CACNG8: variants seen among roughly 807,000 people sequenced by gnomAD.
The protein encoded by CACNG8 is voltage-dependent calcium channel gamma-8 subunit.
A neutral mutation model predicts 26.9 loss-of-function variants in CACNG8; 5 were observed. The ratio of observed to expected loss-of-function variants is 0.19; its 90% CI spans 0.10 to 0.39. The LOEUF is 0.39. Among genes scored for constraint, CACNG8 ranks in the 10% least tolerant of loss-of-function variants. CACNG8 has a pLI of 1.00. For missense variants in CACNG8, 473 were observed against 609.4 expected (o/e 0.78, Z 2.36); for synonymous variants, 321 against 296.7 (o/e 1.08, Z -0.84).
At chr19:53,981,335 G>A (rs1169684772) in intron 3 of CACNG8, among the ~76,000 whole-genome samples, 1 of 151,874 alleles carries the variant, frequency 6.6e-6, no homozygotes, top group African/African-American at 2.4e-5. Flanking sequence ...GTGGGTTTTA[G>A]ACCAGTCAGG....
intron 2 of CACNG8, 144 bp downstream of exon 2, chr19:53,978,373 A>G: frequency 1.6e-6 from 1 of 631,064 alleles, no homozygotes; most frequent in South Asian, 1.9e-5. Flanking sequence ...ATCCGAGTCC[A>G]GATAGTGAGA....
intron 1 of CACNG8, among the ~76,000 whole-genome samples, chr19:53,977,093 CGAA>C (rs1300989962): frequency 2.0e-5 from 3 of 152,186 alleles, no homozygotes; most frequent in Non-Finnish European, 4.4e-5. Context: ...TTACCGAGGA[CGAA>C]GAAGATCATC....
rs761421289 is a variant in CACNG8 at position 53,982,892 on chromosome 19, G to A, written c.*43G>A. On this transcript the variant is annotated 3_prime_UTR_variant, in exon 4 of 4. Transcript: ENST00000270458. This position sits in a 1 kb window ranked among gnomAD's most constrained non-coding sequence, Gnocchi z 8.4. ...CGAGGGGCGTGTCCGGGGCGCGTGC[G>A]CGGGCGCGCGTGCATCGAGGCTGCC... The A allele has an allele frequency of 5.6e-5, 68 of 1,206,518 alleles. 1 individual carries two copies. The South Asian group carries it at 6.2e-4, about 11-fold the overall frequency. 74.7% of individuals were successfully genotyped at this position (1,206,518 alleles called of 1,614,324 possible).
At chr19:53,965,005 G>A (rs2069264507) in intron 1 of CACNG8, among the ~76,000 whole-genome samples, 1 of 152,154 alleles carries the variant, frequency 6.6e-6, no homozygotes, top group Non-Finnish European at 1.5e-5. Flanking sequence ...GACAAGCCGG[G>A]AACGTTATCT....
Position 53,984,000 on chromosome 19 carries a change from AG to A in CACNG8, c.*1153del, listed in dbSNP as rs1340864274. 6.6e-6 allele frequency: 1 copy of A among 152,384 alleles called. No homozygotes were observed. The highest frequency in any genetic ancestry group is 1.9e-4 in the East Asian group (1 of 5,190). The allele number at this position is 152,384 out of a possible 1,614,324, so 9.4% of individuals were successfully genotyped here. On this transcript the variant is annotated 3_prime_UTR_variant, in exon 4 of 4. Coordinates refer to ENST00000270458, the MANE Select transcript of CACNG8 (RefSeq NM_031895.6). Reference sequence around the variant, plus strand: ...CGTGAATGGTGTACAAAGGGAAGACAGGAACTCGGAGGCAAGAGTAGGAGGC... The same window carrying A: ...CGTGAATGGTGTACAAAGGGAAGACAGAACTCGGAGGCAAGAGTAGGAGGC...
chr19:53,964,700 G>A (rs2069262603), intron 1 of CACNG8, among the ~76,000 whole-genome samples: 1 of 152,014 alleles, frequency 6.6e-6, no homozygotes, highest in African/African-American at 2.4e-5. Flanking sequence ...CCTCTGCTGT[G>A]CCAACCCCTT....
In CACNG8 at chr19:53,963,390, C is replaced by T. The variant is rs1329657506; in HGVS notation, c.248C>T (p.Thr83Met). The change falls in exon 1 of 4, where the codon ACG (threonine) becomes ATG (methionine). Residue 83 changes from threonine (T) to methionine (M), a missense_variant. Transcript: ENST00000270458. ...GAGAAGAAGGACCCCGGCGGCCTCA[C>T]GCACTCGGGCCTCTGGAGGATCTGC... 19 of 1,575,348 alleles carry T rather than the reference C, an allele frequency of 1.2e-5. No individual in the cohort carries two copies. The highest frequency in any genetic ancestry group is 1.6e-5 in the Non-Finnish European group (19 of 1,169,208).
rs1418222215 is a variant in CACNG8 at position 53,982,667 on chromosome 19, C to G, written c.1096C>G (p.Leu366Val). The G allele has an allele frequency of 2.7e-6, 3 of 1,093,202 alleles. No homozygotes were observed. The highest frequency in any genetic ancestry group is 1.7e-5 in the African/African-American group (1 of 59,374). 67.7% of individuals were successfully genotyped at this position (1,093,202 alleles called of 1,614,324 possible). Residue 366 changes from leucine to valine, a missense_variant, in exon 4 of 4, where the codon CTC (leucine) becomes GTC (valine). Leu to Val is a conservative substitution (Grantham distance 32). Transcript: ENST00000270458. The surrounding 1 kb of genome is among the most constrained non-coding windows in gnomAD (Gnocchi z 8.4). ...GGACCGCGGGGGGGCGTCCGGCTTCCTCACGCTGCACAACGCCTTCCCCAA... is the reference window on the plus strand; with the variant it reads ...GGACCGCGGGGGGGCGTCCGGCTTCGTCACGCTGCACAACGCCTTCCCCAA...
At chr19:53,981,309 A>G (rs941701042) in intron 3 of CACNG8, among the ~76,000 whole-genome samples, 2 of 151,110 alleles carry the variant, frequency 1.3e-5, no homozygotes, top group Non-Finnish European at 3.0e-5. Flanking sequence ...GGGCCTGGAA[A>G]CTCATCTCAT....
rs1414684834 is a variant in CACNG8, at chr19:53,982,999, CT to C, written c.*151del. The C allele has an allele frequency of 5.1e-6, 2 of 389,814 alleles. No homozygotes were observed. Among genetic ancestry groups the C allele is most frequent in the East Asian group, 5.3e-5 (1 of 18,848 alleles). 24.1% of individuals were successfully genotyped at this position (389,814 alleles called of 1,614,324 possible). On this transcript the variant is annotated 3_prime_UTR_variant, in exon 4 of 4. Transcript: ENST00000270458. This position sits in a 1 kb window ranked among gnomAD's most constrained non-coding sequence, Gnocchi z 8.4. ...CCCCACGCCCACCCTCCCCGCCCCC[CT>C]CCCCCTCCGAAGCAGGGACCCCGAG...
In CACNG8 at chr19:53,987,276, G is replaced by C. The variant is rs568667427; in HGVS notation, c.*4427G>C. The C allele has an allele frequency of 2.6e-5, 4 of 152,118 alleles. No individual in the cohort carries two copies. The highest frequency in any genetic ancestry group is 9.7e-5 in the African/African-American group (4 of 41,410). 9.4% of individuals were successfully genotyped at this position (152,118 alleles called of 1,614,324 possible). ...GTAAAGACGGGATTTCACCGTGTTGGCCAGGCCAATCTGAAATTCCTGGCT... is the reference window on the plus strand; with the variant it reads ...GTAAAGACGGGATTTCACCGTGTTGCCCAGGCCAATCTGAAATTCCTGGCT... On this transcript the variant is annotated 3_prime_UTR_variant, in exon 4 of 4. Coordinates refer to ENST00000270458, the MANE Select transcript of CACNG8 (RefSeq NM_031895.6).
intron 3 of CACNG8, among the ~76,000 whole-genome samples, chr19:53,981,538 A>C (rs4806677): frequency 0.73 from 111,290 of 151,706 alleles, 41,032 homozygotes; most frequent in East Asian, 0.88. Flanking sequence ...CACCTGGGGC[A>C]GAGTTTAGAC....
chr19:53,971,006 T>A (rs990286472), intron 1 of CACNG8, among the ~76,000 whole-genome samples: 3 of 149,478 alleles, frequency 2.0e-5, no homozygotes, highest in Non-Finnish European at 3.0e-5. Context: ...AGTTAAAATT[T>A]TTAGGCTGGG....
At chr19:53,974,510 G>T (rs965750950) in intron 1 of CACNG8, among the ~76,000 whole-genome samples, 1 of 152,118 alleles carries the variant, frequency 6.6e-6, no homozygotes, top group Non-Finnish European at 1.5e-5. Flanking sequence ...GATTCTATTT[G>T]TAGTTTTTGA....
chr19:53,981,990 C>A, intron 3 of CACNG8, 90 bp from the exon 4 acceptor site: 3 of 1,368,910 alleles, frequency 2.2e-6, no homozygotes, highest in Non-Finnish European at 1.9e-6. Context: ...GCGCCTGGGC[C>A]CGCTGGCGCA....
intron 1 of CACNG8, among the ~76,000 whole-genome samples, chr19:53,966,929 C>T (rs2069275177): frequency 6.6e-6 from 1 of 152,104 alleles, no homozygotes; most frequent in Non-Finnish European, 1.5e-5. Context: ...TCTGGAGCTA[C>T]CGTGGGCAGG....
In CACNG8 at chr19:53,982,458, G is replaced by C. The variant is rs994704458; in HGVS notation, c.887G>C (p.Gly296Ala). Reference sequence around the variant, plus strand: ...GACGCGTCTCCCGGCGGCCCCGGGGGCCCGGGCTTTGCCTCCACGGACATC... The same window carrying C: ...GACGCGTCTCCCGGCGGCCCCGGGGCCCCGGGCTTTGCCTCCACGGACATC... Residue 296 changes from glycine (G) to alanine (A), a missense_variant, in exon 4 of 4, where the codon GGC (glycine) becomes GCC (alanine). Gly to Ala is a moderately conservative substitution (Grantham distance 60, BLOSUM62 0). Transcript: ENST00000270458. The surrounding 1 kb of genome is among the most constrained non-coding windows in gnomAD (Gnocchi z 8.4). The C allele has an allele frequency of 1.6e-5, 24 of 1,516,056 alleles. No homozygotes were observed. The highest frequency in any genetic ancestry group is 2.0e-5 in the Non-Finnish European group (23 of 1,139,284). 93.9% of individuals were successfully genotyped at this position (1,516,056 alleles called of 1,614,324 possible). A position where few individuals can be genotyped will look rare whatever the true frequency, so the allele number is the denominator to read the frequency against.
chr19:53,986,605 T>C lies in CACNG8; in HGVS notation c.*3756T>C, dbSNP rs2069409592. 6.6e-6 allele frequency: 1 copy of C among 152,086 alleles called. No individual in the cohort carries two copies. The allele number at this position is 152,086 out of a possible 1,614,324, so 9.4% of individuals were successfully genotyped here. The stretch of plus-strand genomic sequence containing the variant: ...AAATAAATAAAGTAGCTGGGTGTGC[T>C]GGTGTGCCTGTAGTCCCAGCTACTT... On this transcript the variant is annotated 3_prime_UTR_variant, in exon 4 of 4. Transcript: ENST00000270458.
At position 53,963,126 on chromosome 19, in the gene CACNG8, G is replaced by A; in HGVS notation, c.-17G>A. On this transcript the variant is annotated 5_prime_UTR_variant, in exon 1 of 4. Transcript: ENST00000270458. ...CCCCGGTGGTGGCCCACGGCCCCCC[G>A]GCTGCCCGTGGTCAAACTGGAGTCG... is the stretch of plus-strand genomic sequence containing the variant. 1.4e-6 allele frequency: 2 copies of A among 1,389,170 alleles called. No individual in the cohort carries two copies. The highest frequency in any genetic ancestry group is 1.9e-6 in the Non-Finnish European group (2 of 1,058,646). 86.1% of individuals were successfully genotyped at this position (1,389,170 alleles called of 1,614,324 possible).
Sources: allele counts gnomAD v4.1 joint callset (sites outside exome capture counted in the v4.1 genomes callset), GRCh38; gene constraint gnomAD v4.1.1; non-coding constraint Gnocchi (gnomAD v3.1); transcripts MANE v1.5; gene names NCBI Gene and HGNC (gene_info 2026-07-23, HGNC 2026-07-21).